The following WT1 variants were observed in gnomAD, a reference collection of about 807,000 sequenced individuals.
WT1 encodes WT1 transcription factor.
Under a neutral mutation model 60.8 loss-of-function variants are expected in WT1, and 8 were observed. The observed-to-expected ratio is 0.13, with a 90% CI of 0.08 to 0.24. WT1 has a LOEUF of 0.24. Among genes scored for constraint, WT1 ranks in the 10% least tolerant of loss-of-function variants. The pLI, the probability that WT1 is intolerant of heterozygous loss-of-function variation, is 1.00. For missense variants in WT1, 568 were observed against 711.8 expected (o/e 0.80, Z 2.30); for synonymous variants, 312 against 297.1 (o/e 1.05, Z -0.52).
At chr11:32,428,757 A>G in intron 1 of WT1, 138 bp from the exon 2 acceptor site, 2 of 1,417,516 alleles carry the variant, frequency 1.4e-6, no homozygotes, top group Non-Finnish European at 9.6e-7. Flanking sequence ...ATCCAGCCCC[A>G]CAAGCCTCCA....
rs1450267173 is a variant in WT1 at position 32,392,009 on chromosome 11, G to A, written c.1410C>T (p.His470=). The A allele has an allele frequency of 1.2e-6, 2 of 1,613,838 alleles. No homozygotes were observed. Among genetic ancestry groups the A allele is most frequent in the East Asian group, 2.2e-5 (1 of 44,872 alleles). Residue 470 remains histidine (H), a synonymous_variant, in exon 9 of 10, where the codon CAC becomes CAT. Coordinates refer to ENST00000452863, the MANE Select transcript of WT1 (RefSeq NM_024426.6). Reference sequence around the variant, plus strand: ...TATGAGTCCTGGTGTGGGTCTTCAGGTGGTCGGACCGGGAGAACTTTCGCT... The same window carrying A: ...TATGAGTCCTGGTGTGGGTCTTCAGATGGTCGGACCGGGAGAACTTTCGCT...
At chr11:32,423,551 G>A (rs1255451672) in intron 3 of WT1, among the ~76,000 whole-genome samples, 1 of 152,230 alleles carries the variant, frequency 6.6e-6, no homozygotes, top group African/African-American at 2.4e-5. Context: ...GAGTGAGACT[G>A]AGGACAGATG....
chr11:32,430,856 C>A, intron 1 of WT1: 5 of 1,233,858 alleles, frequency 4.1e-6, no homozygotes, highest in South Asian at 3.2e-5. Context: ...AGAAGCTTAT[C>A]GGACACGGGT....
chr11:32,396,253 T>C lies in WT1; in HGVS notation c.1264+4A>G, dbSNP rs1204433434. The C allele has an allele frequency of 6.2e-7, 1 of 1,614,196 alleles. No homozygotes were observed. The highest frequency in any genetic ancestry group is 1.1e-5 in the South Asian group (1 of 91,086). On this transcript the variant is annotated splice_donor_region_variant and intron_variant, in intron 7 of 9. Transcript: ENST00000452863. ...GCCCAAGACTGGACAGCGGGCACAC[T>C]TACCAGTGTGCTTCCTGCTGTGCAT...
intron 5 of WT1, among the ~76,000 whole-genome samples, chr11:32,407,950 C>T (rs1391709272): frequency 6.6e-6 from 1 of 152,098 alleles, no homozygotes; most frequent in East Asian, 1.9e-4. Context: ...AGGCCAGGCG[C>T]GGTGGATCAT....
At chr11:32,432,122 A>C (rs1291630929) in intron 1 of WT1, among the ~76,000 whole-genome samples, 1 of 152,264 alleles carries the variant, frequency 6.6e-6, no homozygotes, top group Non-Finnish European at 1.5e-5. Flanking sequence ...GATGCAAGAT[A>C]TAATATTTAA....
At chr11:32,408,087 G>T (rs1852373156) in intron 5 of WT1, among the ~76,000 whole-genome samples, 1 of 151,572 alleles carries the variant, frequency 6.6e-6, no homozygotes, top group Non-Finnish European at 1.5e-5. Flanking sequence ...GCTGGGCATG[G>T]TGGCATTTGC....
chr11:32,423,851 C>G (rs932147906), intron 3 of WT1, among the ~76,000 whole-genome samples: 4 of 152,300 alleles, frequency 2.6e-5, no homozygotes, highest in African/African-American at 9.6e-5. Flanking sequence ...AGCATGTGCT[C>G]TTATGATTTA....
intron 3 of WT1, among the ~76,000 whole-genome samples, chr11:32,423,882 G>A (rs1267759165): frequency 6.6e-6 from 1 of 152,188 alleles, no homozygotes; most frequent in African/African-American, 2.4e-5. Flanking sequence ...TGATACATTG[G>A]CCTGGTGCGG....
chr11:32,394,221 T>C (rs1425886614), intron 7 of WT1, among the ~76,000 whole-genome samples: 1 of 152,144 alleles, frequency 6.6e-6, no homozygotes, highest in African/African-American at 2.4e-5. Flanking sequence ...TCCAGGTTGG[T>C]GCCTTATGTT....
intron 6 of WT1, among the ~76,000 whole-genome samples, chr11:32,399,029 A>C (rs1192120630): frequency 6.6e-6 from 1 of 151,380 alleles, no homozygotes; most frequent in East Asian, 1.9e-4. Flanking sequence ...GGTGGTGGGC[A>C]CCTGTAGTCC....
intron 6 of WT1, among the ~76,000 whole-genome samples, chr11:32,397,639 G>A (rs1225284389): frequency 6.6e-6 from 1 of 152,026 alleles, no homozygotes; most frequent in Non-Finnish European, 1.5e-5. Context: ...TCCATGTTTT[G>A]TGCTAAGACC....
At chr11:32,391,927 T>C (rs1851828231) in intron 9 of WT1, 45 bp downstream of exon 9, 1 of 1,578,642 alleles carries the variant, frequency 6.3e-7, no homozygotes, top group Non-Finnish European at 8.7e-7. Context: ...TCCACAATAG[T>C]TTAAAAAAAT....
chr11:32,434,824 G>T lies in WT1; in HGVS notation c.537C>A (p.Ala179=). 6.2e-7 allele frequency: 1 copy of T among 1,612,514 alleles called. No individual in the cohort carries two copies. The highest frequency in any genetic ancestry group is 1.3e-5 in the African/African-American group (1 of 75,064). ...GAGGACCGAAGGGCCCGTAGCGACA[G>T]GCTCCGGCTGTGCCAGTGAACTGGC... Residue 179 remains alanine, a synonymous_variant, in exon 1 of 10, where the codon GCC becomes GCA. Coordinates refer to ENST00000452863, the MANE Select transcript of WT1 (RefSeq NM_024426.6).
chr11:32,420,097 T>C (rs967664998), intron 3 of WT1, among the ~76,000 whole-genome samples: 4 of 152,216 alleles, frequency 2.6e-5, no homozygotes, highest in African/African-American at 7.2e-5. Context: ...CTGTACTGTC[T>C]AATATGGTAT....
At chr11:32,419,277 C>G (rs1852779309) in intron 3 of WT1, among the ~76,000 whole-genome samples, 1 of 152,176 alleles carries the variant, frequency 6.6e-6, no homozygotes. Context: ...TAATAAGCGG[C>G]CTCCTCCACA....
intron 6 of WT1, among the ~76,000 whole-genome samples, chr11:32,398,754 G>A (rs1343946720): frequency 1.3e-5 from 2 of 151,632 alleles, no homozygotes; most frequent in Non-Finnish European, 2.9e-5. Context: ...TGAAATGAAG[G>A]GGGAAAGGCC....
chr11:32,425,180 G>GAAAA (rs10540778), intron 3 of WT1, among the ~76,000 whole-genome samples: 9 of 119,270 alleles, frequency 7.5e-5, no homozygotes, highest in Admixed American at 9.2e-5. Context: ...GTCTCGAAAA[G>GAAAA]AAAAAAAAAA....
intron 5 of WT1, among the ~76,000 whole-genome samples, chr11:32,402,097 C>G (rs1019812138): frequency 6.6e-6 from 1 of 152,044 alleles, no homozygotes; most frequent in African/African-American, 2.4e-5. Context: ...TCCACACCCC[C>G]TAGGGCCACA....
Sources: allele counts gnomAD v4.1 joint callset (sites outside exome capture counted in the v4.1 genomes callset), GRCh38; gene constraint gnomAD v4.1.1; transcripts MANE v1.5; gene names NCBI Gene and HGNC (gene_info 2026-07-23, HGNC 2026-07-21).